The following YIPF4 variants were observed in gnomAD, a reference collection of about 807,000 sequenced individuals.
YIPF4 encodes Yip1 domain family member 4.
In YIPF4, 18 loss-of-function variants were observed where a neutral mutation model predicts 29.4. The ratio of observed to expected loss-of-function variants is 0.61; its 90% CI spans 0.42 to 0.91. The LOEUF (loss-of-function observed/expected upper bound fraction) is 0.91. Among genes scored for constraint, YIPF4 ranks in the 40% least tolerant of loss-of-function variants. The pLI, the probability that YIPF4 is intolerant of heterozygous loss-of-function variation, is 0.00. For missense variants in YIPF4, 279 were observed against 282.7 expected (o/e 0.99, Z 0.09); for synonymous variants, 115 against 104.7 (o/e 1.10, Z -0.60).
chr2:32,283,469 GT>G (rs1444220762), intron 1 of YIPF4, among the ~76,000 whole-genome samples: 1 of 151,908 alleles, frequency 6.6e-6, no homozygotes, highest in Non-Finnish European at 1.5e-5. Context: ...ATGTGCTTTG[GT>G]GTTTTGTCTC....
At chr2:32,278,694 T>G (rs1288706032) in intron 1 of YIPF4, among the ~76,000 whole-genome samples, 2 of 152,100 alleles carry the variant, frequency 1.3e-5, no homozygotes, top group African/African-American at 4.8e-5. Context: ...GCACTGCAAA[T>G]ACAAACTAAA....
At position 32,314,905 on chromosome 2, in the gene YIPF4, A is replaced by T. The variant is rs1175865389; in HGVS notation, c.*9279A>T. ...GGTAGCATGTCAAATTGGTATAAAAAGATGGAATATTAAATAAGTGGGGAT... is the reference window on the plus strand; with the variant it reads ...GGTAGCATGTCAAATTGGTATAAAATGATGGAATATTAAATAAGTGGGGAT... On this transcript the variant is annotated 3_prime_UTR_variant, in exon 6 of 6. Coordinates refer to ENST00000238831, the MANE Select transcript of YIPF4 (RefSeq NM_032312.4). 1 of 152,208 alleles carries T rather than the reference A, an allele frequency of 6.6e-6. No individual in the cohort carries two copies. Among genetic ancestry groups the T allele is most frequent in the Non-Finnish European group, 1.5e-5 (1 of 68,040 alleles). 9.4% of individuals were successfully genotyped at this position (152,208 alleles called of 1,614,324 possible).
intron 5 of YIPF4, among the ~76,000 whole-genome samples, chr2:32,302,030 TTTC>T (rs2031422827): frequency 6.7e-6 from 1 of 149,640 alleles, no homozygotes; most frequent in South Asian, 2.1e-4. Flanking sequence ...TTTTTCTTTC[TTTC>T]TTTTTTTTTT....
intron 4 of YIPF4, among the ~76,000 whole-genome samples, chr2:32,300,622 T>G (rs2031372803): frequency 6.6e-6 from 1 of 152,138 alleles, no homozygotes; most frequent in South Asian, 2.1e-4. Flanking sequence ...ACACTTAAAG[T>G]ATATTTGTTT....
At chr2:32,278,364 A>T (rs956440862) in intron 1 of YIPF4, 130 bp downstream of exon 1, 22 of 874,936 alleles carry the variant, frequency 2.5e-5, no homozygotes, top group Non-Finnish European at 3.4e-5. Context: ...ACTGCAGCCC[A>T]CCACGCCTGC....
rs62134050 is a variant in YIPF4 at position 32,310,649 on chromosome 2, G to C, written c.*5023G>C. The C allele has an allele frequency of 0.065, 9,926 of 152,178 alleles. 465 individuals carry two copies. Among genetic ancestry groups the C allele is most frequent in the Admixed American group, 0.15 (2,228 of 15,262 alleles). 9.4% of individuals were successfully genotyped at this position (152,178 alleles called of 1,614,324 possible). ...TCCCAGCACTTTGGAAGGCTGAGGC[G>C]GGAGGACTGTTTTGTGGCCAGGAGT... On this transcript the variant is annotated 3_prime_UTR_variant, in exon 6 of 6. Transcript: ENST00000238831.
At chr2:32,286,500 A>G (rs921276818) in intron 1 of YIPF4, among the ~76,000 whole-genome samples, 1 of 152,198 alleles carries the variant, frequency 6.6e-6, no homozygotes, top group African/African-American at 2.4e-5. Flanking sequence ...CCAGAACAAC[A>G]TGATTAAAAA....
At chr2:32,288,711 G>A (rs904891884) in intron 1 of YIPF4, among the ~76,000 whole-genome samples, 4 of 152,284 alleles carry the variant, frequency 2.6e-5, no homozygotes, top group East Asian at 1.9e-4. Flanking sequence ...TCAGGAGGCC[G>A]AGGCAGGAGA....
chr2:32,305,373 A>T, intron 5 of YIPF4, 116 bp from the exon 6 acceptor site: 1 of 1,224,960 alleles, frequency 8.2e-7, no homozygotes, highest in Non-Finnish European at 1.1e-6. Context: ...ACTATTTACC[A>T]AAATTGGTTG....
intron 3 of YIPF4, among the ~76,000 whole-genome samples, chr2:32,292,953 C>T (rs1458805075): frequency 6.6e-6 from 1 of 151,192 alleles, no homozygotes; most frequent in African/African-American, 2.4e-5. Context: ...CCAGAAGTCA[C>T]TAGAAGGTGC....
chr2:32,288,907 C>T lies in YIPF4; in HGVS notation c.80-1576C>T, dbSNP rs974041484. Reference sequence around the variant, plus strand: ...GCTTGAACCTAGGAGACAGAGGTTGCGGTGAGCCGAGATGACACCACTGCA... The same window carrying T: ...GCTTGAACCTAGGAGACAGAGGTTGTGGTGAGCCGAGATGACACCACTGCA... On this transcript the variant is annotated intron_variant, in intron 1 of 5. Transcript: ENST00000238831. Among the ~76,000 whole-genome samples the T allele has an allele frequency of 5.3e-5, 8 of 152,142 alleles. No homozygotes were observed. The South Asian group carries it at 8.3e-4, about 16-fold the overall frequency.
At chr2:32,287,523 C>T (rs2030730163) in intron 1 of YIPF4, among the ~76,000 whole-genome samples, 1 of 152,196 alleles carries the variant, frequency 6.6e-6, no homozygotes, top group Non-Finnish European at 1.5e-5. Context: ...GGATACTCTT[C>T]TTTCACAGAA....
chr2:32,292,317 T>G lies in YIPF4; in HGVS notation c.374T>G (p.Phe125Cys). ...GGTCCTCTGGCTGTTGTTCTTTTCT[T>G]TTCCATGATATCATTATATGGACAG... ...FWGPLAVVLF[F>C]SMISLYGQFR... The change falls in exon 3 of 6, where the codon TTT becomes TGT. Residue 125 changes from phenylalanine (F) to cysteine (C), a missense_variant. Phe to Cys is a radical substitution (Grantham distance 205). Coordinates refer to ENST00000238831, the MANE Select transcript of YIPF4 (RefSeq NM_032312.4). 1 of 1,600,336 alleles carries G rather than the reference T, an allele frequency of 6.2e-7. No individual in the cohort carries two copies. Among genetic ancestry groups the G allele is most frequent in the South Asian group, 1.1e-5 (1 of 87,694 alleles).
intron 5 of YIPF4, among the ~76,000 whole-genome samples, chr2:32,301,859 C>G (rs2031416026): frequency 6.6e-6 from 1 of 152,024 alleles, no homozygotes; most frequent in South Asian, 2.1e-4. Context: ...GTGTGTGCCA[C>G]CATGCCTGGC....
chr2:32,301,271 C>T (rs2031393649), intron 4 of YIPF4, 111 bp from the exon 5 acceptor site: 1 of 678,468 alleles, frequency 1.5e-6, no homozygotes, highest in Non-Finnish European at 2.6e-6. Context: ...ATGATTTCTT[C>T]TTAATGCTCA....
chr2:32,306,802 C>T lies in YIPF4; in HGVS notation c.*1176C>T. 5.1e-6 allele frequency: 1 copy of T among 195,054 alleles called. No homozygotes were observed. Among genetic ancestry groups the T allele is most frequent in the Non-Finnish European group, 9.5e-6 (1 of 105,712 alleles). The allele number at this position is 195,054 out of a possible 1,614,324, so 12.1% of individuals were successfully genotyped here. A position where few individuals can be genotyped will look rare whatever the true frequency, so the allele number is the denominator to read the frequency against. ...CCATAAAATATCAAATGTCTGTTAACTATTAGCAAATTATTGTATTATCCT... is the reference window on the plus strand; with the variant it reads ...CCATAAAATATCAAATGTCTGTTAATTATTAGCAAATTATTGTATTATCCT... On this transcript the variant is annotated 3_prime_UTR_variant, in exon 6 of 6. Transcript: ENST00000238831.
intron 1 of YIPF4, among the ~76,000 whole-genome samples, chr2:32,284,794 G>A (rs971516379): frequency 6.6e-6 from 1 of 152,198 alleles, no homozygotes; most frequent in Non-Finnish European, 1.5e-5. Context: ...AGGTCCCTGA[G>A]ACAAACAGAA....
chr2:32,310,415 A>G lies in YIPF4; in HGVS notation c.*4789A>G, dbSNP rs1044215875. On this transcript the variant is annotated 3_prime_UTR_variant, in exon 6 of 6. Transcript: ENST00000238831. ...CTCATTTGTGTACAGCTGTTCCTCTATATACGAAGGGGATTGGTACCAGAA... is the reference window on the plus strand; with the variant it reads ...CTCATTTGTGTACAGCTGTTCCTCTGTATACGAAGGGGATTGGTACCAGAA... 2 of 152,132 alleles carry G rather than the reference A, an allele frequency of 1.3e-5. No homozygotes were observed. Among genetic ancestry groups the G allele is most frequent in the Non-Finnish European group, 2.9e-5 (2 of 68,028 alleles). The allele number at this position is 152,132 out of a possible 1,614,324, so 9.4% of individuals were successfully genotyped here.
intron 4 of YIPF4, 152 bp from the exon 5 acceptor site, chr2:32,301,230 T>C: frequency 1.8e-6 from 1 of 565,776 alleles, no homozygotes; most frequent in Non-Finnish European, 3.1e-6. Flanking sequence ...GGAGACTATA[T>C]GATATTTTGA....
Sources: allele counts gnomAD v4.1 joint callset (sites outside exome capture counted in the v4.1 genomes callset), GRCh38; gene constraint gnomAD v4.1.1; transcripts MANE v1.5; gene names NCBI Gene and HGNC (gene_info 2026-07-23, HGNC 2026-07-21).